MYLK3: variants seen among roughly 807,000 people sequenced by gnomAD.
MYLK3 encodes the protein MLC kinase.
A neutral mutation model predicts 76.3 loss-of-function variants in MYLK3; 55 were observed. The ratio of observed to expected loss-of-function variants is 0.72; its 90% confidence interval spans 0.58 to 0.90. MYLK3 has a LOEUF of 0.90. Ranked by LOEUF, MYLK3 falls within the 40% of genes least tolerant of loss-of-function variation. MYLK3 has a pLI of 0.00. For synonymous variants in MYLK3, 416 were observed against 425.4 expected, an observed-to-expected ratio of 0.98 and a Z score of 0.27; for missense variants, 973 against 1,053.6, an observed-to-expected ratio of 0.92 and a Z score of 1.06.
At chr16:46,710,859 A>G in intron 10 of MYLK3, 70 bp from the exon 11 acceptor site, 1 of 1,588,576 alleles carries the variant, frequency 6.3e-7, no homozygotes, top group Non-Finnish European at 8.6e-7. Flanking sequence ...CAGAATAGAG[A>G]AGCTTACAGA....
chr16:46,737,903 C>G lies in MYLK3; in HGVS notation c.809G>C (p.Arg270Thr). 4 of 1,614,186 alleles carry G rather than the reference C, an allele frequency of 2.5e-6. No homozygotes were observed. In the South Asian group the frequency reaches 4.4e-5, roughly 18 times the overall value. The change falls in exon 3 of 13, where the codon AGG becomes ACG. Residue 270 changes from arginine to threonine, a missense_variant. Physicochemically the swap from Arg to Thr is moderately conservative, Grantham distance 71. Coordinates refer to ENST00000394809, the MANE Select transcript of MYLK3 (RefSeq NM_182493.3). ...TGLELAPAPG[R>T]VNVVSPSLEV... ...CAGGCTCGGGGAGACCACATTGACC[C>G]TGCCGGGTGCTGGAGCCAATTCCAG...
Position 46,704,235 on chromosome 16 carries a change from G to A in MYLK3, c.*3469C>T, listed in dbSNP as rs973078802. ...TGATTCTTGTGCCTTAGCCTCCCAAGTAGCTGGGATTACAGGTATGCGCCA... is the reference window on the plus strand; with the variant it reads ...TGATTCTTGTGCCTTAGCCTCCCAAATAGCTGGGATTACAGGTATGCGCCA... On this transcript the variant is annotated 3_prime_UTR_variant, in exon 13 of 13. Coordinates refer to ENST00000394809, the MANE Select transcript of MYLK3 (RefSeq NM_182493.3). The A allele has an allele frequency of 2.0e-5, 3 of 151,966 alleles. No individual in the cohort carries two copies. The highest frequency in any genetic ancestry group is 7.3e-5 in the African/African-American group (3 of 41,318). 9.4% of individuals were successfully genotyped at this position (151,966 alleles called of 1,614,324 possible).
rs781224041 is a variant in MYLK3, at chr16:46,729,672, C to T, written c.1584G>A (p.Gln528=). Reference sequence around the variant, plus strand: ...TGGACTTCTCTGTGCACCTGTGGACCTGGCCAAACCGACCCCTGCAGAGAC... The same window carrying T: ...TGGACTTCTCTGTGCACCTGTGGACTTGGCCAAACCGACCCCTGCAGAGAC... ...HEVLGGGRFG[Q]VHRCTEKSTG... The change falls in exon 6 of 13, where the codon CAG becomes CAA. Residue 528 remains glutamine (Q), a synonymous_variant. Transcript: ENST00000394809. 1.5e-4 allele frequency: 240 copies of T among 1,613,524 alleles called. No homozygotes were observed. The highest frequency in any genetic ancestry group is 1.8e-4 in the Non-Finnish European group (211 of 1,179,756).
chr16:46,750,177 G>A (rs577638090), upstream of MYLK3, among the ~76,000 whole-genome samples: 5 of 152,160 alleles, frequency 3.3e-5, no homozygotes, highest in Non-Finnish European at 7.3e-5. Context: ...CCTGCAGATC[G>A]GGGCTCCCTG....
At chr16:46,743,078 A>G (rs1478233839) in intron 1 of MYLK3, among the ~76,000 whole-genome samples, 1 of 152,104 alleles carries the variant, frequency 6.6e-6, no homozygotes, top group Non-Finnish European at 1.5e-5. Context: ...TCAGCCTTCT[A>G]GTCCCTGCCG....
At chr16:46,756,612 C>A (rs943629472) in intron 1 of MYLK3, among the ~76,000 whole-genome samples, 1 of 152,194 alleles carries the variant, frequency 6.6e-6, no homozygotes, top group Non-Finnish European at 1.5e-5. Flanking sequence ...AGTGAAAGGT[C>A]TTGTTCTAAC....
chr16:46,730,820 T>C lies in MYLK3; in HGVS notation c.1463-122A>G, dbSNP rs1966851174. ...AGGCCCTATGTACAGCCCTGGTATT[T>C]GAAACCTTTTCTCCAAACCATCTCA... On this transcript the variant is annotated intron_variant, in intron 4 of 12. Transcript: ENST00000394809. 7.1e-5 allele frequency: 55 copies of C among 772,566 alleles called. No individual in the cohort carries two copies. The South Asian group carries it at 8.4e-4, about 12-fold the overall frequency. 47.9% of individuals were successfully genotyped at this position (772,566 alleles called of 1,614,324 possible). A position where few individuals can be genotyped will look rare whatever the true frequency, so the allele number is the denominator to read the frequency against.
chr16:46,757,018 C>T (rs538287420), intron 1 of MYLK3, among the ~76,000 whole-genome samples: 1 of 152,260 alleles, frequency 6.6e-6, no homozygotes, highest in African/African-American at 2.4e-5. Context: ...AGTCCTAAGC[C>T]AGTGGACCTC....
intron 1 of MYLK3, among the ~76,000 whole-genome samples, chr16:46,740,536 CAT>C (rs370327693): frequency 1.1e-3 from 102 of 93,640 alleles, no homozygotes; most frequent in African/African-American, 4.0e-3. Context: ...TATATACATA[CAT>C]ATATATATAT....
chr16:46,747,830 C>A lies in MYLK3; in HGVS notation c.364G>T (p.Asp122Tyr). The change falls in exon 1 of 13, where the codon GAC becomes TAC. Residue 122 changes from aspartate to tyrosine, a missense_variant. Asp to Tyr is a radical substitution (Grantham distance 160). Coordinates refer to ENST00000394809, the MANE Select transcript of MYLK3 (RefSeq NM_182493.3). ...GCCCCCACCAAAGCGATGGCCCTGT[C>A]CACCGCAGCCACCATCCTGAAGAGG... ...EALFRMVAAV[D>Y]RAIALVGATF... 1 of 1,614,214 alleles carries A rather than the reference C, an allele frequency of 6.2e-7. No homozygotes were observed. The highest frequency in any genetic ancestry group is 8.5e-7 in the Non-Finnish European group (1 of 1,180,042).
chr16:46,713,780 G>A (rs1212824526), intron 9 of MYLK3, among the ~76,000 whole-genome samples: 1 of 152,200 alleles, frequency 6.6e-6, no homozygotes, highest in East Asian at 1.9e-4. Context: ...CTCTCTGCCT[G>A]TAAGAGTTTG....
intron 1 of MYLK3, among the ~76,000 whole-genome samples, chr16:46,747,041 G>A (rs2143017035): frequency 6.6e-6 from 1 of 152,284 alleles, no homozygotes; most frequent in South Asian, 2.1e-4. Flanking sequence ...GTTGCTAAGT[G>A]GCTGACCCCT....
chr16:46,739,522 C>T (rs1387752368), intron 2 of MYLK3, among the ~76,000 whole-genome samples: 1 of 152,070 alleles, frequency 6.6e-6, no homozygotes, highest in Non-Finnish European at 1.5e-5. Context: ...CCTCCTCTGC[C>T]ACCAAGACAA....
chr16:46,718,016 G>A (rs1966761383), intron 9 of MYLK3, among the ~76,000 whole-genome samples: 1 of 152,172 alleles, frequency 6.6e-6, no homozygotes, highest in Non-Finnish European at 1.5e-5. Context: ...TTGCCCCATG[G>A]GGGACAAACA....
At chr16:46,743,087 C>T (rs146684803) in intron 1 of MYLK3, among the ~76,000 whole-genome samples, 6 of 152,310 alleles carry the variant, frequency 3.9e-5, no homozygotes, top group Admixed American at 1.3e-4. Context: ...TAGTCCCTGC[C>T]GTTTCTGTGC....
chr16:46,735,630 T>G (rs1966865059), intron 3 of MYLK3, among the ~76,000 whole-genome samples: 1 of 152,192 alleles, frequency 6.6e-6, no homozygotes, highest in East Asian at 1.9e-4. Context: ...TGTGACTCAC[T>G]GGGTGGGAGG....
intron 1 of MYLK3, among the ~76,000 whole-genome samples, chr16:46,759,505 G>T (rs1456795601): frequency 6.6e-6 from 1 of 152,192 alleles, no homozygotes; most frequent in East Asian, 1.9e-4. Context: ...CATTTCACAG[G>T]CAAGTAAACT....
intron 9 of MYLK3, among the ~76,000 whole-genome samples, chr16:46,714,685 T>C (rs1276093860): frequency 6.6e-6 from 1 of 152,134 alleles, no homozygotes; most frequent in Non-Finnish European, 1.5e-5. Context: ...ACTTTGTAGT[T>C]CCCTCCACAA....
Position 46,705,251 on chromosome 16 carries a change from C to T in MYLK3, c.*2453G>A, listed in dbSNP as rs979750877. On this transcript the variant is annotated 3_prime_UTR_variant, in exon 13 of 13. Transcript: ENST00000394809. ...TTGACTAAAGCTGCTCACCTGAGGC[C>T]AAGCACAGTGGCTCATGCCTATATT... 1.3e-5 allele frequency: 2 copies of T among 150,136 alleles called. No homozygotes were observed. The highest frequency in any genetic ancestry group is 4.9e-5 in the African/African-American group (2 of 40,686). The allele number at this position is 150,136 out of a possible 1,614,324, so 9.3% of individuals were successfully genotyped here. A position where few individuals can be genotyped will look rare whatever the true frequency, so the allele number is the denominator to read the frequency against.
Sources: gnomAD v4.1 joint callset for allele counts (sites outside exome capture counted in the v4.1 genomes callset) on GRCh38, gnomAD v4.1.1 for gene constraint, MANE v1.5 for transcripts, NCBI Gene and HGNC (gene_info 2026-07-23, HGNC 2026-07-21) for gene names.